ELF1: variants seen among roughly 807,000 people sequenced by gnomAD.
ELF1 encodes ETS-related transcription factor Elf-1.
A neutral mutation model predicts 59.9 loss-of-function variants in ELF1; 24 were observed. The ratio of observed to expected loss-of-function variants is 0.40; its 90% CI spans 0.29 to 0.56. The LOEUF (loss-of-function observed/expected upper bound fraction) is 0.56, where lower values mean the gene tolerates loss of function less well. ELF1 is among the 20% of genes least tolerant of loss of function. ELF1 has a pLI of 0.44. For missense variants in ELF1, 627 were observed against 742.2 expected, an observed-to-expected ratio of 0.84 and a Z score of 1.80; for synonymous variants, 248 against 266.2, an observed-to-expected ratio of 0.93 and a Z score of 0.67.
At chr13:41,017,293 A>T (rs890587662) in intron 1 of ELF1, among the ~76,000 whole-genome samples, 15 of 152,268 alleles carry the variant, frequency 9.9e-5, no homozygotes, top group African/African-American at 3.1e-4. Flanking sequence ...CAAACAAAGC[A>T]TCACTTGTGA....
intron 1 of ELF1, among the ~76,000 whole-genome samples, chr13:40,997,779 T>C (rs1341502536): frequency 6.6e-6 from 1 of 152,178 alleles, no homozygotes; most frequent in East Asian, 1.9e-4. Context: ...TCAGGATCTT[T>C]AAAATGAGAT....
chr13:40,935,054 G>A (rs891281525), intron 8 of ELF1, among the ~76,000 whole-genome samples: 12 of 152,234 alleles, frequency 7.9e-5, no homozygotes, highest in African/African-American at 2.9e-4. Context: ...ACAAATTTTG[G>A]TCATAAAGCT....
At chr13:40,945,926 C>T (rs1210013571) in intron 5 of ELF1, among the ~76,000 whole-genome samples, 1 of 152,200 alleles carries the variant, frequency 6.6e-6, no homozygotes, top group Non-Finnish European at 1.5e-5. Flanking sequence ...TCACTGCAAC[C>T]TCTGCCTCCT....
upstream of ELF1, among the ~76,000 whole-genome samples, chr13:41,023,395 T>C (rs575475803): frequency 1.3e-5 from 2 of 152,284 alleles, no homozygotes; most frequent in South Asian, 2.1e-4. Context: ...CTATCAGAGA[T>C]GGAAAAAGAA....
intron 1 of ELF1, among the ~76,000 whole-genome samples, chr13:41,056,098 A>G (rs1263108201): frequency 1.3e-5 from 2 of 152,152 alleles, no homozygotes; most frequent in African/African-American, 2.4e-5. Context: ...TAGAACTATC[A>G]CTGTAATCTA....
intron 1 of ELF1, among the ~76,000 whole-genome samples, chr13:41,044,257 T>C (rs947489850): frequency 1.3e-5 from 2 of 152,186 alleles, no homozygotes; most frequent in Non-Finnish European, 1.5e-5. Flanking sequence ...GCCAATTTGA[T>C]TTCCTCTTTT....
At chr13:41,010,430 G>A (rs1299689173) in intron 1 of ELF1, among the ~76,000 whole-genome samples, 2 of 151,630 alleles carry the variant, frequency 1.3e-5, no homozygotes, top group African/African-American at 4.8e-5. Flanking sequence ...TAGCCTAGGC[G>A]AGAGGGCTAC....
chr13:40,977,891 G>A (rs904002998), intron 2 of ELF1, among the ~76,000 whole-genome samples: 1 of 152,158 alleles, frequency 6.6e-6, no homozygotes, highest in African/African-American at 2.4e-5. Flanking sequence ...CAAAACTGAA[G>A]CCTGTACACA....
chr13:40,993,098 C>A, intron 1 of ELF1: 1 of 1,607,510 alleles, frequency 6.2e-7, no homozygotes, highest in Non-Finnish European at 8.5e-7. Flanking sequence ...GAGACCAGGG[C>A]AAGACTTCCT....
chr13:41,061,363 G>T, exon 1 of ELF1: 1 of 507,274 alleles, frequency 2.0e-6, no homozygotes, highest in Non-Finnish European at 3.6e-6. Context: ...CCGTCCTTCA[G>T]CTCAGGTCCC....
Position 41,049,972 on chromosome 13 carries a change from G to A in ELF1, c.-229+10866C>T, listed in dbSNP as rs577809574. Among the ~76,000 whole-genome samples, 6 of 152,322 alleles carry A rather than the reference G, an allele frequency of 3.9e-5. No individual in the cohort carries two copies. The South Asian group carries it at 1.2e-3, about 32-fold the overall frequency. On this transcript the variant is annotated intron_variant, in intron 1 of 1. Coordinates refer to the ELF1 transcript ENST00000405737. ...GATGCTGTTTACATTCATAAATAATGTGCATAGAGTATCCACATACAAACT... is the reference window on the plus strand; with the variant it reads ...GATGCTGTTTACATTCATAAATAATATGCATAGAGTATCCACATACAAACT...
At chr13:40,968,403 C>A (rs1435137374) in intron 2 of ELF1, among the ~76,000 whole-genome samples, 1 of 152,180 alleles carries the variant, frequency 6.6e-6, no homozygotes, top group Admixed American at 6.5e-5. Context: ...TAATAATTAT[C>A]TTTGGGAATA....
At chr13:40,956,172 C>T (rs966925745) in intron 3 of ELF1, among the ~76,000 whole-genome samples, 3 of 151,064 alleles carry the variant, frequency 2.0e-5, no homozygotes, top group Non-Finnish European at 4.4e-5. Flanking sequence ...CGGATGGTTG[C>T]CGTGTCTGTG....
At chr13:40,959,848 A>C (rs573679562) in intron 2 of ELF1, among the ~76,000 whole-genome samples, 1 of 152,232 alleles carries the variant, frequency 6.6e-6, no homozygotes, top group South Asian at 2.1e-4. Flanking sequence ...ACCTCATTTT[A>C]TAGATGAGGA....
At chr13:41,021,899 C>T (rs1875705749), upstream of ELF1, among the ~76,000 whole-genome samples, 3 of 152,198 alleles carry the variant, frequency 2.0e-5, no homozygotes, top group South Asian at 6.2e-4. Flanking sequence ...AAAACAAAAA[C>T]CACCAATAAT....
chr13:41,027,768 A>G (rs1190586185), intron 1 of ELF1, among the ~76,000 whole-genome samples: 1 of 152,224 alleles, frequency 6.6e-6, no homozygotes, highest in African/African-American at 2.4e-5. Flanking sequence ...CTCAGTCACA[A>G]AAGTGGGGTA....
At chr13:40,999,146 C>T (rs1373571162) in intron 1 of ELF1, among the ~76,000 whole-genome samples, 2 of 152,166 alleles carry the variant, frequency 1.3e-5, no homozygotes, top group East Asian at 3.8e-4. Flanking sequence ...CCCTTAGGCT[C>T]AGCACTGTGG....
At chr13:41,061,210 A>T in exon 1 of ELF1, 1 of 211,820 alleles carries the variant, frequency 4.7e-6, no homozygotes, top group South Asian at 6.0e-5. Flanking sequence ...GTCTCTGGGA[A>T]CAGCTGTTTG....
Position 40,984,612 on chromosome 13 carries a change from C to T in ELF1, c.-228-2330G>A, listed in dbSNP as rs543437870. ...TATTTAAGCTATTTCTACAAATATC[C>T]TTTATTTAAAAAAGAATAACTGATA... On this transcript the variant is annotated intron_variant, in intron 1 of 8. Coordinates refer to ENST00000239882, the MANE Select transcript of ELF1 (RefSeq NM_172373.4). 5.9e-5 allele frequency among the ~76,000 whole-genome samples: 9 copies of T among 152,128 alleles called. No homozygotes were observed. The South Asian group carries it at 1.0e-3, about 18-fold the overall frequency.
Sources: allele counts gnomAD v4.1 joint callset (sites outside exome capture counted in the v4.1 genomes callset), GRCh38; gene constraint gnomAD v4.1.1; transcripts MANE v1.5; gene names NCBI Gene and HGNC (gene_info 2026-07-23, HGNC 2026-07-21).